The following TRAPPC8 variants were observed in gnomAD, a reference collection of about 807,000 sequenced individuals.
TRAPPC8 encodes trafficking protein particle complex subunit 8.
A neutral mutation model predicts 174.3 loss-of-function variants in TRAPPC8; 54 were observed. The ratio of observed to expected loss-of-function variants is 0.31; its 90% CI spans 0.25 to 0.39. TRAPPC8 has a LOEUF of 0.39. TRAPPC8 is among the 10% of genes least tolerant of loss of function. The pLI, the probability that TRAPPC8 is intolerant of heterozygous loss-of-function variation, is 1.00. For missense variants in TRAPPC8, 1,531 were observed against 1,699.1 expected (o/e 0.90, Z 1.74); for synonymous variants, 630 against 579.9 (o/e 1.09, Z -1.24).
intron 11 of TRAPPC8, among the ~76,000 whole-genome samples, chr18:31,893,671 A>G (rs957415211): frequency 2.6e-5 from 4 of 152,112 alleles, no homozygotes; most frequent in African/African-American, 7.2e-5. Context: ...CTGTAGCCTT[A>G]TATTTTAATA....
chr18:31,886,262 G>C (rs528381584), intron 12 of TRAPPC8, among the ~76,000 whole-genome samples: 2 of 149,378 alleles, frequency 1.3e-5, no homozygotes, highest in South Asian at 4.2e-4. Flanking sequence ...GCCCACCTTG[G>C]CCTCTCAAAG....
chr18:31,894,012 AC>A (rs1222053306), intron 11 of TRAPPC8, among the ~76,000 whole-genome samples: 2 of 152,320 alleles, frequency 1.3e-5, no homozygotes, highest in East Asian at 3.9e-4. Context: ...CCAGTTAAAA[AC>A]CAAAATGAGA....
chr18:31,842,788 G>C (rs1224823180), intron 26 of TRAPPC8, among the ~76,000 whole-genome samples: 2 of 152,116 alleles, frequency 1.3e-5, no homozygotes, highest in African/African-American at 2.4e-5. Flanking sequence ...TTTCAGACTA[G>C]GGATGCTCAC....
At chr18:31,843,299 C>T (rs1360387640) in intron 26 of TRAPPC8, among the ~76,000 whole-genome samples, 6 of 152,004 alleles carry the variant, frequency 3.9e-5, no homozygotes, top group African/African-American at 9.7e-5. Context: ...TAAAATTTTA[C>T]CATTCATTAA....
At chr18:31,922,823 G>A (rs960995495) in intron 2 of TRAPPC8, among the ~76,000 whole-genome samples, 8 of 152,200 alleles carry the variant, frequency 5.3e-5, no homozygotes, top group African/African-American at 1.7e-4. Context: ...TTCGAGACCA[G>A]CCTGGGCAAC....
chr18:31,934,791 C>T (rs928477124), intron 1 of TRAPPC8, among the ~76,000 whole-genome samples: 5 of 150,878 alleles, frequency 3.3e-5, no homozygotes, highest in Non-Finnish European at 5.9e-5. Flanking sequence ...CGCTTGAACC[C>T]GGGAGGCAGA....
At chr18:31,867,119 A>G in intron 17 of TRAPPC8, 144 bp from the exon 18 acceptor site, 1 of 887,842 alleles carries the variant, frequency 1.1e-6, no homozygotes, top group Non-Finnish European at 1.7e-6. Context: ...ATCTTCTTCA[A>G]AAGAAAATGT....
chr18:31,849,823 A>C, intron 24 of TRAPPC8, 84 bp from the exon 25 acceptor site: 1 of 1,339,282 alleles, frequency 7.5e-7, no homozygotes, highest in Non-Finnish European at 9.8e-7. Flanking sequence ...TTTTAATTAA[A>C]TATATCCTGC....
At chr18:31,861,925 GA>G (rs1248803736) in intron 19 of TRAPPC8, among the ~76,000 whole-genome samples, 2,971 of 37,078 alleles carry the variant, frequency 0.08, 135 homozygotes, top group Middle Eastern at 0.2. Context: ...CCCGTCTCCA[GA>G]AAAAAAAAAA....
intron 9 of TRAPPC8, among the ~76,000 whole-genome samples, chr18:31,903,010 A>G: frequency 6.7e-6 from 1 of 150,074 alleles, no homozygotes; most frequent in Non-Finnish European, 1.5e-5. Flanking sequence ...AGATCGTGCC[A>G]CTGCACTCCA....
intron 26 of TRAPPC8, among the ~76,000 whole-genome samples, chr18:31,841,306 T>C (rs1200144988): frequency 6.6e-6 from 1 of 152,098 alleles, no homozygotes; most frequent in Non-Finnish European, 1.5e-5. Flanking sequence ...TTTTTATCTT[T>C]CCAATTGACA....
rs145358742 is a variant in TRAPPC8, at chr18:31,874,607, C to T, written c.1826G>A (p.Arg609His). The T allele has an allele frequency of 3.4e-4, 548 of 1,614,070 alleles. 1 individual carries two copies. In the African/African-American group the frequency reaches 6.7e-3, roughly 20 times the overall value. The change falls in exon 13 of 29, where the codon CGC (arginine) becomes CAC (histidine). Residue 609 changes from arginine (R) to histidine (H), a missense_variant. Physicochemically the swap from Arg to His is conservative, Grantham distance 29. Coordinates refer to ENST00000283351, the MANE Select transcript of TRAPPC8 (RefSeq NM_014939.5). ...CAGCTGTCTAAGAGTATAGGACTGG[C>T]GCCCAATAGTGAAATTAATGTGATC... ...AEDHINFTIG[R>H]QSYTLRQLDN...
intron 27 of TRAPPC8, among the ~76,000 whole-genome samples, chr18:31,834,932 A>G (rs1474787338): frequency 1.3e-5 from 2 of 152,100 alleles, no homozygotes; most frequent in Admixed American, 6.5e-5. Context: ...GTGTTTCTAC[A>G]TCTATCTTTA....
In TRAPPC8 at chr18:31,829,426, G is replaced by A. The variant is rs2032235129; in HGVS notation, c.*1329C>T. 6.6e-6 allele frequency: 1 copy of A among 152,122 alleles called. No individual in the cohort carries two copies. Among genetic ancestry groups the A allele is most frequent in the African/African-American group, 2.4e-5 (1 of 41,412 alleles). 9.4% of individuals were successfully genotyped at this position (152,122 alleles called of 1,614,324 possible). On this transcript the variant is annotated 3_prime_UTR_variant, in exon 29 of 29. Transcript: ENST00000283351. The stretch of plus-strand genomic sequence containing the variant: ...AGAAGGAAATGAGTGTCCTTAGAAT[G>A]TGACCTTCCTCTCCAACTTGTCCCA...
chr18:31,895,433 C>G (rs980754627), intron 11 of TRAPPC8, among the ~76,000 whole-genome samples: 2 of 152,112 alleles, frequency 1.3e-5, no homozygotes, highest in Non-Finnish European at 2.9e-5. Flanking sequence ...CCTCTCCCCA[C>G]CACATGGCAG....
intron 11 of TRAPPC8, chr18:31,896,260 T>G (rs757259362): frequency 6.6e-6 from 1 of 151,272 alleles, no homozygotes; most frequent in Non-Finnish European, 1.5e-5. Context: ...ATATTAAGAA[T>G]GAGAACTAGA....
Position 31,931,536 on chromosome 18 carries a change from AAAG to A in TRAPPC8, c.158-16_158-14del. 1 of 1,530,622 alleles carries A rather than the reference AAAG, an allele frequency of 6.5e-7. No homozygotes were observed. The allele number at this position is 1,530,622 out of a possible 1,614,324, so 94.8% of individuals were successfully genotyped here. A position where few individuals can be genotyped will look rare whatever the true frequency, so the allele number is the denominator to read the frequency against. On this transcript the variant is annotated splice_polypyrimidine_tract_variant and intron_variant, in intron 1 of 28. Coordinates refer to ENST00000283351, the MANE Select transcript of TRAPPC8 (RefSeq NM_014939.5). The stretch of plus-strand genomic sequence containing the variant: ...TCTCTCATGTGAACTTTAAAGAAAA[AAAG>A]AAAAAAACTTGAAATTAATTCTATA...
chr18:31,852,991 T>C (rs1598607825), intron 22 of TRAPPC8: 1 of 266,644 alleles, frequency 3.8e-6, no homozygotes, highest in South Asian at 5.3e-5. Context: ...CTTCTTCATT[T>C]CCTTTCAGTA....
chr18:31,936,780 T>C (rs1271782630), intron 1 of TRAPPC8, among the ~76,000 whole-genome samples: 1 of 151,436 alleles, frequency 6.6e-6, no homozygotes, highest in African/African-American at 2.4e-5. Flanking sequence ...CCCGTGCCTG[T>C]AATGCCAGCT....
Sources: allele counts gnomAD v4.1 joint callset (sites outside exome capture counted in the v4.1 genomes callset), GRCh38; gene constraint gnomAD v4.1.1; transcripts MANE v1.5; gene names NCBI Gene and HGNC (gene_info 2026-07-23, HGNC 2026-07-21).